TRMT61B: variants seen among roughly 807,000 people sequenced by gnomAD.
TRMT61B encodes the protein tRNA (adenine(58)-N(1))-methyltransferase, mitochondrial.
TRMT61B carries 56 observed loss-of-function variants against 52.0 expected under a neutral mutation model. That is an observed-to-expected ratio of 1.08 (90% CI 0.87 to 1.35). The LOEUF (loss-of-function observed/expected upper bound fraction) is 1.35. Ranked by LOEUF, TRMT61B falls within the 40% of genes most tolerant of loss-of-function variation. The probability of loss-of-function intolerance (pLI) is 0.00; values close to 1 mark genes in which losing one functional copy is unlikely to be tolerated. For missense variants in TRMT61B, 650 were observed against 577.9 expected (o/e 1.12, Z -1.28); for synonymous variants, 206 against 220.0 (o/e 0.94, Z 0.56).
chr2:28,870,191 C>T lies in TRMT61B; in HGVS notation c.87G>A (p.Gln29=), dbSNP rs373635610. The change falls in exon 1 of 7, where the codon CAG becomes CAA. Residue 29 remains glutamine, a synonymous_variant. Transcript: ENST00000306108. ...GTNSFLHGLG[Q]EPFEGARSLC... is the part of the protein sequence containing the mutation. The stretch of plus-strand genomic sequence containing the variant: ...GTGACCGAGCTCCCTCGAAGGGCTC[C>T]TGCCCCAGGCCGTGCAGGAATGAAT... 3.1e-6 allele frequency: 5 copies of T among 1,612,920 alleles called. No homozygotes were observed. The African/African-American group carries it at 6.7e-5, about 22-fold the overall frequency.
In TRMT61B at chr2:28,870,257, G is replaced by A. The variant is rs759046759; in HGVS notation, c.21C>T (p.Arg7=). Residue 7 remains arginine, a synonymous_variant, in exon 1 of 7, where the codon CGC becomes CGT. Coordinates refer to ENST00000306108, the MANE Select transcript of TRMT61B (RefSeq NM_017910.4). ...GCCGCAGGCACAGCAAGACAGGACC[G>A]CGGCACCATGCCATTAGCATAGTGT... MLMAWC[R]GPVLLCLRQG... 5 of 1,594,970 alleles carry A rather than the reference G, an allele frequency of 3.1e-6. No homozygotes were observed. The African/African-American group carries it at 4.0e-5, about 13-fold the overall frequency.
intron 1 of TRMT61B, among the ~76,000 whole-genome samples, chr2:28,868,839 C>T (rs1364918631): frequency 2.6e-5 from 4 of 152,120 alleles, no homozygotes; most frequent in Admixed American, 6.6e-5. Flanking sequence ...AAGGCGAAAC[C>T]CCGTCTCTAC....
At chr2:28,852,380 T>C (rs1412110844) in intron 4 of TRMT61B, 28 bp downstream of exon 4, 1 of 1,358,374 alleles carries the variant, frequency 7.4e-7, no homozygotes. Context: ...AAAGTTACAT[T>C]ACAAAGAAAA....
In TRMT61B at chr2:28,869,963, C is replaced by T. The variant is rs778312034; in HGVS notation, c.315G>A (p.Ser105=). The change falls in exon 1 of 7, where the codon TCG becomes TCA. Residue 105 remains serine (S), a synonymous_variant. Transcript: ENST00000306108. ...EESSPRELED[S]SGDQGRCGPT... is the part of the protein sequence containing the mutation. ...GACCGCACCGGCCCTGGTCTCCGCT[C>T]GAGTCCTCGAGCTCTCGAGGGGATG... is the stretch of plus-strand genomic sequence containing the variant. 1 of 1,613,810 alleles carries T rather than the reference C, an allele frequency of 6.2e-7. No homozygotes were observed. The highest frequency in any genetic ancestry group is 8.5e-7 in the Non-Finnish European group (1 of 1,180,012).
chr2:28,852,932 CTG>C (rs937492891), intron 3 of TRMT61B, among the ~76,000 whole-genome samples: 4 of 152,144 alleles, frequency 2.6e-5, no homozygotes, highest in Admixed American at 2.6e-4. Flanking sequence ...ATACTCCACC[CTG>C]GGCAAGAGTG....
At chr2:28,865,942 C>T (rs1243103764) in intron 1 of TRMT61B, among the ~76,000 whole-genome samples, 1 of 150,146 alleles carries the variant, frequency 6.7e-6, no homozygotes, top group African/African-American at 2.5e-5. Flanking sequence ...CAGCCTCCCA[C>T]AGTGCTGGGA....
At chr2:28,867,919 G>A (rs1244366208) in intron 1 of TRMT61B, among the ~76,000 whole-genome samples, 1 of 152,028 alleles carries the variant, frequency 6.6e-6, no homozygotes, top group Non-Finnish European at 1.5e-5. Flanking sequence ...AGGCATAGTG[G>A]CATGCACCTG....
intron 3 of TRMT61B, among the ~76,000 whole-genome samples, chr2:28,856,640 A>AT (rs969648764): frequency 5.8e-4 from 85 of 147,214 alleles, no homozygotes; most frequent in Middle Eastern, 7.0e-3. Flanking sequence ...ATTTAATTAA[A>AT]TTTTTTTTTT....
Position 28,869,804 on chromosome 2 carries a change from T to TA in TRMT61B, c.473dup (p.Leu158PhefsTer3), listed in dbSNP as rs768425693. On this transcript the variant is annotated frameshift_variant, in exon 1 of 7. Transcript: ENST00000306108. LOFTEE classifies it high-confidence loss of function. ...TTGTTTCTCCCTCCCCAGTCTCAGC[T>TA]AAAATCAGTTCCCCAGCCTGAAAGG... The TA allele has an allele frequency of 4.3e-6, 7 of 1,614,160 alleles. No individual in the cohort carries two copies. In the South Asian group the frequency reaches 7.7e-5, roughly 18 times the overall value.
Position 28,870,273 on chromosome 2 carries a change from A to G in TRMT61B, c.5T>C (p.Leu2Pro), listed in dbSNP as rs577596277. M[L>P]MAWCRGPVLL... ...GACAGGACCGCGGCACCATGCCATT[A>G]GCATAGTGTTTCGCGAAGGCGCCGT... Residue 2 changes from leucine (L) to proline (P), a missense_variant, in exon 1 of 7, where the codon CTA (leucine) becomes CCA (proline). Leu to Pro is a moderately conservative substitution (Grantham distance 98). Coordinates refer to ENST00000306108, the MANE Select transcript of TRMT61B (RefSeq NM_017910.4). 4 of 1,558,826 alleles carry G rather than the reference A, an allele frequency of 2.6e-6. No homozygotes were observed. Among genetic ancestry groups the G allele is most frequent in the East Asian group, 4.5e-5 (2 of 44,048 alleles).
chr2:28,856,641 T>A (rs553406596), intron 3 of TRMT61B, among the ~76,000 whole-genome samples: 66 of 148,202 alleles, frequency 4.5e-4, no homozygotes, highest in East Asian at 1.6e-3. Context: ...TTTAATTAAA[T>A]TTTTTTTTTT....
chr2:28,857,195 A>G (rs1370394038), intron 3 of TRMT61B, among the ~76,000 whole-genome samples: 1 of 152,070 alleles, frequency 6.6e-6, no homozygotes, highest in Non-Finnish European at 1.5e-5. Flanking sequence ...CAGCCTCCCA[A>G]AGTGCTGGGA....
chr2:28,863,410 AAC>A (rs955304584), intron 2 of TRMT61B, among the ~76,000 whole-genome samples: 1 of 149,148 alleles, frequency 6.7e-6, no homozygotes, highest in Non-Finnish European at 1.5e-5. Context: ...CAAACTGGGG[AAC>A]AGAGTGAGAA....
At chr2:28,868,058 A>G (rs954283786) in intron 1 of TRMT61B, among the ~76,000 whole-genome samples, 1 of 152,200 alleles carries the variant, frequency 6.6e-6, no homozygotes, top group Non-Finnish European at 1.5e-5. Context: ...TCTTTAAACA[A>G]AAAAAGCTTA....
intron 3 of TRMT61B, among the ~76,000 whole-genome samples, chr2:28,859,379 C>T (rs1183459211): frequency 6.6e-6 from 1 of 152,160 alleles, no homozygotes; most frequent in Admixed American, 6.5e-5. Context: ...CTGTGCCCTG[C>T]CAGAGATTTA....
chr2:28,857,120 G>C (rs1669377633), intron 3 of TRMT61B, among the ~76,000 whole-genome samples: 1 of 152,014 alleles, frequency 6.6e-6, no homozygotes, highest in Admixed American at 6.6e-5. Flanking sequence ...CTTTAGTAGA[G>C]ACAGAGTTTC....
intron 1 of TRMT61B, among the ~76,000 whole-genome samples, chr2:28,869,320 C>A (rs1558352384): frequency 6.6e-6 from 1 of 152,142 alleles, no homozygotes. Flanking sequence ...ATCACCCTAA[C>A]AGAAAGTTGA....
intron 2 of TRMT61B, among the ~76,000 whole-genome samples, 200 bp downstream of exon 2, chr2:28,864,817 A>C (rs781227577): frequency 6.6e-6 from 1 of 152,222 alleles, no homozygotes; most frequent in Non-Finnish European, 1.5e-5. Context: ...CAAAGCAAAG[A>C]AAATTGAGGG....
rs775123165 is a variant in TRMT61B at position 28,849,962 on chromosome 2, T to A, written c.*237A>T. 1 of 1,524,204 alleles carries A rather than the reference T, an allele frequency of 6.6e-7. No homozygotes were observed. The allele number at this position is 1,524,204 out of a possible 1,614,324, so 94.4% of individuals were successfully genotyped here. On this transcript the variant is annotated 3_prime_UTR_variant, in exon 7 of 7. Transcript: ENST00000306108. ...AATGAGATGGCCCAACTAAACCAAT[T>A]TGGAATCATTAACTACAAAATGTCA... is the stretch of plus-strand genomic sequence containing the variant.
Sources: gnomAD v4.1 joint callset for allele counts (sites outside exome capture counted in the v4.1 genomes callset) on GRCh38, gnomAD v4.1.1 for gene constraint, MANE v1.5 for transcripts, NCBI Gene and HGNC (gene_info 2026-07-23, HGNC 2026-07-21) for gene names.